Variants in NDUFS4 observed in about 807,000 individuals in gnomAD.
NDUFS4 encodes the protein NADH:ubiquinone oxidoreductase subunit S4.
NDUFS4 carries 28 observed loss-of-function variants against 24.3 expected under a neutral mutation model. The ratio of observed to expected loss-of-function variants is 1.15; its 90% CI spans 0.85 to 1.58. The LOEUF (loss-of-function observed/expected upper bound fraction) is 1.58, where lower values mean the gene tolerates loss of function less well. NDUFS4 is among the 40% of genes most tolerant of loss of function. The probability of loss-of-function intolerance (pLI) is 0.00; values close to 1 mark genes in which losing one functional copy is unlikely to be tolerated. For synonymous variants in NDUFS4, 93 were observed against 69.7 expected (o/e 1.34, Z -1.67); for missense variants, 223 against 207.9 (o/e 1.07, Z -0.45).
chr5:53,667,668 G>A lies in NDUFS4; in HGVS notation c.424+9044G>A, dbSNP rs190281474. Among the ~76,000 whole-genome samples the A allele has an allele frequency of 9.7e-4, 148 of 152,008 alleles. 2 individuals carry two copies. The highest frequency in any genetic ancestry group is 1.8e-3 in the Non-Finnish European group (119 of 67,982). On this transcript the variant is annotated intron_variant, in intron 4 of 4. Coordinates refer to ENST00000296684, the MANE Select transcript of NDUFS4 (RefSeq NM_002495.4). ...AGTGCTATTGAAGGTTGAGTGAACCGATGTTCTGATAAGTTAAGGCATTTA... is the reference window on the plus strand; with the variant it reads ...AGTGCTATTGAAGGTTGAGTGAACCAATGTTCTGATAAGTTAAGGCATTTA...
At chr5:53,591,067 A>G (rs1444726625) in intron 1 of NDUFS4, among the ~76,000 whole-genome samples, 5 of 152,212 alleles carry the variant, frequency 3.3e-5, no homozygotes, top group Non-Finnish European at 7.3e-5. Context: ...ACTTATCACA[A>G]TGTCTTCATG....
intron 2 of NDUFS4, among the ~76,000 whole-genome samples, chr5:53,635,050 C>T (rs1409626549): frequency 6.6e-6 from 1 of 151,448 alleles, no homozygotes; most frequent in Non-Finnish European, 1.5e-5. Context: ...ATTAGCTAGG[C>T]GAGGTGGCAG....
Position 53,651,304 on chromosome 5 carries a change from T to C in NDUFS4, c.350+4899T>C, listed in dbSNP as rs376949518. On this transcript the variant is annotated intron_variant, in intron 3 of 4. Transcript: ENST00000296684. ...TATGTAATTTTACTGCTTGGACATA[T>C]TGAATTCTGACTTCTCTTTGTGAAA... 2.1e-4 allele frequency among the ~76,000 whole-genome samples: 32 copies of C among 152,100 alleles called. No individual in the cohort carries two copies. The East Asian group carries it at 3.5e-3, about 16-fold the overall frequency.
rs535633806 is a variant in NDUFS4 at position 53,625,144 on chromosome 5, C to T, written c.178-21089C>T. The stretch of plus-strand genomic sequence containing the variant: ...CTTTATTTTTTGTAGAAATGGGGTT[C>T]GCCATGTTACCCAGGCTGGTTTTGA... On this transcript the variant is annotated intron_variant, in intron 2 of 4. Coordinates refer to ENST00000296684, the MANE Select transcript of NDUFS4 (RefSeq NM_002495.4). Among the ~76,000 whole-genome samples the T allele has an allele frequency of 1.6e-4, 24 of 152,012 alleles. No homozygotes were observed. In the East Asian group the frequency reaches 3.3e-3, roughly 21 times the overall value.
Position 53,683,257 on chromosome 5 carries a change from A to C in NDUFS4, c.*36A>C. 1 of 1,412,374 alleles carries C rather than the reference A, an allele frequency of 7.1e-7. No homozygotes were observed. The highest frequency in any genetic ancestry group is 1.0e-6 in the Non-Finnish European group (1 of 996,710). 87.5% of individuals were successfully genotyped at this position (1,412,374 alleles called of 1,614,324 possible). ...ACTATATCTCTGCTTGACTGTGAATAAAGTCAGCTGTGCAGTATTTATAGT... is the reference window on the plus strand; with the variant it reads ...ACTATATCTCTGCTTGACTGTGAATCAAGTCAGCTGTGCAGTATTTATAGT... On this transcript the variant is annotated 3_prime_UTR_variant, in exon 5 of 5. Coordinates refer to ENST00000296684, the MANE Select transcript of NDUFS4 (RefSeq NM_002495.4).
At position 53,590,467 on chromosome 5, in the gene NDUFS4, ATAGGCAAGCACTAG is replaced by A. The variant is rs1749912025; in HGVS notation, c.99-12981_99-12968del. ...AAAACTATCTCATATTTTGTGTTAC[ATAGGCAAGCACTAG>A]TAGTTTTTAAAAAGTATATAATTTG... On this transcript the variant is annotated intron_variant, in intron 1 of 4. Transcript: ENST00000296684. 2.0e-5 allele frequency among the ~76,000 whole-genome samples: 3 copies of A among 152,340 alleles called. No individual in the cohort carries two copies. In the South Asian group the frequency reaches 6.2e-4, roughly 32 times the overall value.
At chr5:53,584,824 G>A (rs112838876) in intron 1 of NDUFS4, among the ~76,000 whole-genome samples, 62 of 151,096 alleles carry the variant, frequency 4.1e-4, no homozygotes, top group African/African-American at 1.3e-3. Context: ...GTGGAGTGCT[G>A]TGGCGGGATC....
chr5:53,639,169 G>A (rs1183466268), intron 2 of NDUFS4, among the ~76,000 whole-genome samples: 1 of 150,764 alleles, frequency 6.6e-6, no homozygotes, highest in Non-Finnish European at 1.5e-5. Flanking sequence ...CATTTTTTTT[G>A]TATAAAAGTT....
At chr5:53,674,416 T>A (rs1448814705) in intron 4 of NDUFS4, among the ~76,000 whole-genome samples, 1 of 152,132 alleles carries the variant, frequency 6.6e-6, no homozygotes, top group Non-Finnish European at 1.5e-5. Flanking sequence ...GAGGTCAGAG[T>A]GGCCTTCCTT....
intron 4 of NDUFS4, among the ~76,000 whole-genome samples, chr5:53,662,476 C>G (rs1752373374): frequency 6.6e-6 from 1 of 152,052 alleles, no homozygotes; most frequent in African/African-American, 2.4e-5. Flanking sequence ...TGTGTCTCTG[C>G]CAGGCTTTGG....
intron 4 of NDUFS4, among the ~76,000 whole-genome samples, chr5:53,660,121 A>G (rs905601752): frequency 6.6e-6 from 1 of 151,450 alleles, no homozygotes; most frequent in African/African-American, 2.4e-5. Flanking sequence ...TTCATTTAAC[A>G]TTAGGTATAT....
intron 2 of NDUFS4, among the ~76,000 whole-genome samples, chr5:53,634,955 G>A (rs377339941): frequency 1.3e-5 from 2 of 152,068 alleles, no homozygotes; most frequent in East Asian, 1.9e-4. Context: ...TTGGGAGGCC[G>A]AGGCGGGTAA....
At chr5:53,666,002 T>C (rs946168784) in intron 4 of NDUFS4, among the ~76,000 whole-genome samples, 1 of 152,234 alleles carries the variant, frequency 6.6e-6, no homozygotes, top group African/African-American at 2.4e-5. Context: ...AAAAACTTTT[T>C]AAAAAGAGGT....
chr5:53,678,225 TG>T (rs560967628), intron 4 of NDUFS4, among the ~76,000 whole-genome samples: 241 of 152,320 alleles, frequency 1.6e-3, no homozygotes, highest in Admixed American at 2.6e-3. Flanking sequence ...GGGCATGGGA[TG>T]TTAAAGATCA....
intron 1 of NDUFS4, among the ~76,000 whole-genome samples, chr5:53,575,430 T>G (rs1469301950): frequency 6.6e-6 from 1 of 152,012 alleles, no homozygotes; most frequent in East Asian, 1.9e-4. Context: ...TAGGATGGAT[T>G]ATTTTTAAAG....
chr5:53,583,376 G>C (rs1175820874), intron 1 of NDUFS4, among the ~76,000 whole-genome samples: 2 of 152,178 alleles, frequency 1.3e-5, no homozygotes, highest in African/African-American at 4.8e-5. Flanking sequence ...CAGAAAGACA[G>C]CTTTCCATGT....
intron 4 of NDUFS4, among the ~76,000 whole-genome samples, chr5:53,674,422 T>G (rs1194115650): frequency 2.0e-5 from 3 of 152,158 alleles, no homozygotes; most frequent in African/African-American, 4.8e-5. Flanking sequence ...AGAGTGGCCT[T>G]CCTTCTCTGT....
At chr5:53,664,458 T>G (rs1428973702) in intron 4 of NDUFS4, among the ~76,000 whole-genome samples, 1 of 152,232 alleles carries the variant, frequency 6.6e-6, no homozygotes, top group African/African-American at 2.4e-5. Flanking sequence ...CCCGTCACTT[T>G]CAGGTACACC....
chr5:53,644,846 TTAAA>T (rs1325169760), intron 2 of NDUFS4, among the ~76,000 whole-genome samples: 1 of 152,090 alleles, frequency 6.6e-6, no homozygotes, highest in Non-Finnish European at 1.5e-5. Flanking sequence ...AGGTATTGTG[TTAAA>T]TAGAGGATTG....
Sources: allele counts gnomAD v4.1 joint callset (sites outside exome capture counted in the v4.1 genomes callset), GRCh38; gene constraint gnomAD v4.1.1; transcripts MANE v1.5; gene names NCBI Gene and HGNC (gene_info 2026-07-23, HGNC 2026-07-21).